Variants in SYN3 observed in about 807,000 individuals in gnomAD.
The protein encoded by SYN3 is synapsin III, also known as synapsin-3.
A neutral mutation model predicts 65.8 loss-of-function variants in SYN3; 35 were observed. That is an observed-to-expected ratio of 0.53 (90% CI 0.41 to 0.70). The LOEUF (loss-of-function observed/expected upper bound fraction) is 0.70. SYN3 is among the 30% of genes least tolerant of loss of function. SYN3 has a pLI of 0.00. For synonymous variants in SYN3, 270 were observed against 292.9 expected, an observed-to-expected ratio of 0.92 and a Z score of 0.80; for missense variants, 680 against 749.0, an observed-to-expected ratio of 0.91 and a Z score of 1.08.
At chr22:32,679,048 C>CTTTTTTTTTTTTT (rs145971116) in intron 6 of SYN3, among the ~76,000 whole-genome samples, 166 of 85,624 alleles carry the variant, frequency 1.9e-3, no homozygotes, top group Non-Finnish European at 2.6e-3. Context: ...TTGTTTCTTT[C>CTTTTTTTTTTTTT]TTTTTTTTTT....
At chr22:32,740,281 G>C (rs1197904245) in intron 6 of SYN3, among the ~76,000 whole-genome samples, 1 of 152,160 alleles carries the variant, frequency 6.6e-6, no homozygotes, top group Non-Finnish European at 1.5e-5. Flanking sequence ...GGGCCCGAGA[G>C]GTGCAATGTG....
intron 7 of SYN3, among the ~76,000 whole-genome samples, chr22:32,559,751 A>AC (rs1379166896): frequency 6.6e-6 from 1 of 151,454 alleles, no homozygotes; most frequent in Non-Finnish European, 1.5e-5. Context: ...AATGGTGTGA[A>AC]CCTGGGAGGC....
intron 6 of SYN3, among the ~76,000 whole-genome samples, chr22:32,835,662 T>C (rs1373519963): frequency 6.6e-6 from 1 of 152,194 alleles, no homozygotes; most frequent in Non-Finnish European, 1.5e-5. Context: ...TCTAAAAAAG[T>C]ATACTTGTTC....
At chr22:33,005,794 C>T (rs975700432) in intron 2 of SYN3, among the ~76,000 whole-genome samples, 5 of 152,198 alleles carry the variant, frequency 3.3e-5, no homozygotes, top group African/African-American at 1.2e-4. Flanking sequence ...CTTTTATCCT[C>T]ATAACAAGCT....
rs187393777 is a variant in SYN3, at chr22:32,552,785, G to A, written c.775-11072C>T. On this transcript the variant is annotated intron_variant, in intron 7 of 13. Coordinates refer to ENST00000358763, the MANE Select transcript of SYN3 (RefSeq NM_003490.4). ...CCTCCTATAGAGGACACTGCGATAT[G>A]TAACAAATGTAAGCCTCAACAATGC... Among the ~76,000 whole-genome samples the A allele has an allele frequency of 1.1e-3, 169 of 152,330 alleles. 3 individuals carry two copies. The highest frequency in any genetic ancestry group is 3.9e-3 in the African/African-American group (161 of 41,576).
intron 6 of SYN3, among the ~76,000 whole-genome samples, chr22:32,652,848 A>G (rs2060092363): frequency 6.6e-6 from 1 of 152,196 alleles, no homozygotes; most frequent in Non-Finnish European, 1.5e-5. Context: ...TCCACCCCAC[A>G]GAATTGCCTC....
intron 1 of SYN3, among the ~76,000 whole-genome samples, chr22:33,019,952 A>G (rs1047087936): frequency 6.6e-6 from 1 of 152,246 alleles, no homozygotes; most frequent in African/African-American, 2.4e-5. Flanking sequence ...GAAAGAATGC[A>G]CAGACGTGCT....
chr22:32,621,553 G>A (rs4821078), intron 6 of SYN3, among the ~76,000 whole-genome samples: 1 of 152,122 alleles, frequency 6.6e-6, no homozygotes, highest in Non-Finnish European at 1.5e-5. Flanking sequence ...CTGCACAGGA[G>A]CCCTGGGCTT....
At chr22:32,743,469 G>A (rs574731932) in intron 6 of SYN3, among the ~76,000 whole-genome samples, 1 of 152,344 alleles carries the variant, frequency 6.6e-6, no homozygotes, top group South Asian at 2.1e-4. Context: ...ACAGAGGAGA[G>A]GGAGGGAGCA....
In SYN3 at chr22:32,528,117, A is replaced by G. The variant is rs964476404; in HGVS notation, c.1231-112T>C. On this transcript the variant is annotated intron_variant, in intron 11 of 13. Transcript: ENST00000358763. Reference sequence around the variant, plus strand: ...TATCATTGAGAAGAGACTCTTACACATAAAGTGTACAGTTCTGGAGTATAC... The same window carrying G: ...TATCATTGAGAAGAGACTCTTACACGTAAAGTGTACAGTTCTGGAGTATAC... 4.9e-5 allele frequency: 41 copies of G among 839,490 alleles called. No homozygotes were observed. In the African/African-American group the frequency reaches 6.7e-4, roughly 14 times the overall value. 52.0% of individuals were successfully genotyped at this position (839,490 alleles called of 1,614,324 possible). A position where few individuals can be genotyped will look rare whatever the true frequency, so the allele number is the denominator to read the frequency against.
In SYN3 at chr22:32,917,687, C is replaced by T. The variant is rs556502615; in HGVS notation, c.461+13703G>A. ...GCGGCCTCACAGTCTTTCCCATCCC[C>T]AGTTTCTGTGCTTCTGGGAATCAGG... On this transcript the variant is annotated intron_variant, in intron 4 of 13. Coordinates refer to ENST00000358763, the MANE Select transcript of SYN3 (RefSeq NM_003490.4). Among the ~76,000 whole-genome samples the T allele has an allele frequency of 3.1e-3, 476 of 152,354 alleles. 1 individual carries two copies. Among genetic ancestry groups the T allele is most frequent in the African/African-American group, 0.011 (444 of 41,588 alleles).
At chr22:32,784,377 C>T (rs115491424) in intron 6 of SYN3, among the ~76,000 whole-genome samples, 5,489 of 152,230 alleles carry the variant, frequency 0.036, 334 homozygotes, top group African/African-American at 0.12. Context: ...AGCAGGTTGC[C>T]GCATGGTGAG....
chr22:33,038,486 T>C (rs2053900710), intron 1 of SYN3, among the ~76,000 whole-genome samples: 2 of 152,194 alleles, frequency 1.3e-5, no homozygotes. Flanking sequence ...TGAGCTCCGA[T>C]TGAGCAATTC....
intron 6 of SYN3, among the ~76,000 whole-genome samples, chr22:32,834,323 A>ATTT (rs5845042): frequency 2.6e-4 from 38 of 143,412 alleles, no homozygotes; most frequent in Admixed American, 1.2e-3. Flanking sequence ...TGGCTAATTT[A>ATTT]TTTTTTTTTT....
chr22:32,728,059 C>G (rs533717676), intron 6 of SYN3, among the ~76,000 whole-genome samples: 2 of 152,212 alleles, frequency 1.3e-5, no homozygotes, highest in African/African-American at 4.8e-5. Flanking sequence ...GAAACTGGAC[C>G]CCTTCCTTAC....
chr22:32,581,599 C>T (rs576302913), intron 7 of SYN3, among the ~76,000 whole-genome samples: 17 of 152,160 alleles, frequency 1.1e-4, no homozygotes, highest in Non-Finnish European at 2.1e-4. Context: ...TGTCTTCTGT[C>T]TGAAGCTGGA....
intron 6 of SYN3, among the ~76,000 whole-genome samples, chr22:32,793,252 G>C (rs556311236): frequency 6.6e-6 from 1 of 152,334 alleles, no homozygotes; most frequent in Admixed American, 6.5e-5. Flanking sequence ...ACGGGAAGAT[G>C]ATGAGGTACT....
At chr22:32,661,268 C>G (rs1378514119) in intron 6 of SYN3, among the ~76,000 whole-genome samples, 9 of 152,256 alleles carry the variant, frequency 5.9e-5, no homozygotes, top group Non-Finnish European at 1.2e-4. Context: ...GCACCTCCAC[C>G]TTCCCCTCTG....
At chr22:32,516,162 T>A (rs985129805) in intron 13 of SYN3, among the ~76,000 whole-genome samples, 1 of 152,076 alleles carries the variant, frequency 6.6e-6, no homozygotes, top group Non-Finnish European at 1.5e-5. Flanking sequence ...TACTCCTGTG[T>A]GTGTGAGAAA....
Sources: gnomAD v4.1 joint callset for allele counts (sites outside exome capture counted in the v4.1 genomes callset) on GRCh38, gnomAD v4.1.1 for gene constraint, MANE v1.5 for transcripts, NCBI Gene and HGNC (gene_info 2026-07-23, HGNC 2026-07-21) for gene names.